TANC1: variants seen among roughly 807,000 people sequenced by gnomAD.
The protein encoded by TANC1 is tetratricopeptide repeat, ankyrin repeat and coiled-coil containing 1.
TANC1 carries 77 observed loss-of-function variants against 149.7 expected under a neutral mutation model. The ratio of observed to expected loss-of-function variants is 0.51; its 90% confidence interval spans 0.43 to 0.62. TANC1 has a LOEUF of 0.62. Among genes scored for constraint, TANC1 ranks in the 20% least tolerant of loss-of-function variants. TANC1 has a pLI of 0.00. For synonymous variants in TANC1, 854 were observed against 925.0 expected, an observed-to-expected ratio of 0.92 and a Z score of 1.39; for missense variants, 1,985 against 2,321.8, an observed-to-expected ratio of 0.85 and a Z score of 2.98.
At chr2:159,079,179 T>C (rs138853410) in intron 3 of TANC1, among the ~76,000 whole-genome samples, 17 of 148,858 alleles carry the variant, frequency 1.1e-4, no homozygotes, top group African/African-American at 3.6e-4. Flanking sequence ...GGAGAAAATA[T>C]GATAGCACTA....
At chr2:159,168,914 T>A (rs2054889559) in intron 8 of TANC1, among the ~76,000 whole-genome samples, 1 of 152,148 alleles carries the variant, frequency 6.6e-6, no homozygotes, top group Non-Finnish European at 1.5e-5. Context: ...CACCTGCTTG[T>A]GGTGTTAAGT....
intron 4 of TANC1, among the ~76,000 whole-genome samples, 182 bp from the exon 5 acceptor site, chr2:159,136,002 TTGTGTGTGTG>T (rs754052800): frequency 0.035 from 3,752 of 107,858 alleles, 89 homozygotes; most frequent in Middle Eastern, 0.049. Flanking sequence ...TACTGAAATT[TTGTGTGTGTG>T]TGTGTGTGTG....
chr2:159,018,459 A>G (rs2038491958), intron 2 of TANC1, among the ~76,000 whole-genome samples: 1 of 150,752 alleles, frequency 6.6e-6, no homozygotes, highest in East Asian at 2.0e-4. Flanking sequence ...AGGCTACAGT[A>G]ATTCTTTTTT....
rs1253689641 is a variant in TANC1 at position 159,103,791 on chromosome 2, T to C, written c.259+5957T>C. Among the ~76,000 whole-genome samples the C allele has an allele frequency of 2.0e-4, 19 of 96,830 alleles. 1 individual carries two copies. The highest frequency in any genetic ancestry group is 4.9e-4 in the African/African-American group (17 of 34,912). The allele number at this position is 96,830 out of a possible 152,430, so 63.5% of individuals were successfully genotyped here. On this transcript the variant is annotated intron_variant, in intron 4 of 26. Coordinates refer to ENST00000263635, the MANE Select transcript of TANC1 (RefSeq NM_033394.3). ...CTTGTCCAAAATTCATACAAGTTAT[T>C]GGTAGACCCTGATCCTCCATGCTGT... is the stretch of plus-strand genomic sequence containing the variant.
chr2:159,035,044 T>G (rs1239431975), intron 2 of TANC1, among the ~76,000 whole-genome samples: 4 of 152,222 alleles, frequency 2.6e-5, no homozygotes, highest in Admixed American at 6.5e-5. Context: ...AGCCTTTGTC[T>G]TGTGGTCTGA....
intron 4 of TANC1, among the ~76,000 whole-genome samples, chr2:159,135,500 A>G (rs1024328072): frequency 1.3e-5 from 2 of 152,246 alleles, no homozygotes; most frequent in African/African-American, 2.4e-5. Context: ...CGGCTGCATC[A>G]TTGTATGTGA....
At chr2:159,187,882 G>T (rs140281532) in intron 16 of TANC1, among the ~76,000 whole-genome samples, 1 of 152,214 alleles carries the variant, frequency 6.6e-6, no homozygotes, top group African/African-American at 2.4e-5. Context: ...TGAATTTCTG[G>T]GCATAGAATT....
At chr2:159,166,122 A>G (rs528618214) in intron 8 of TANC1, among the ~76,000 whole-genome samples, 102 of 152,352 alleles carry the variant, frequency 6.7e-4, no homozygotes, top group African/African-American at 2.2e-3. Flanking sequence ...TCTTTCCTTT[A>G]TTAAAAACAG....
chr2:159,083,431 T>G (rs2044493539), intron 3 of TANC1, among the ~76,000 whole-genome samples: 1 of 152,142 alleles, frequency 6.6e-6, no homozygotes, highest in Admixed American at 6.5e-5. Context: ...TGGCAGTTAC[T>G]GTAAAGATAA....
chr2:159,066,982 T>TA (rs1199675848), intron 3 of TANC1, among the ~76,000 whole-genome samples: 5 of 152,242 alleles, frequency 3.3e-5, no homozygotes, highest in African/African-American at 1.2e-4. Context: ...CCTGAAATGT[T>TA]ACATTTCACT....
chr2:159,028,125 C>CT lies in TANC1; in HGVS notation c.-16+26945dup, dbSNP rs551825617. On this transcript the variant is annotated intron_variant, in intron 2 of 26. Coordinates refer to ENST00000263635, the MANE Select transcript of TANC1 (RefSeq NM_033394.3). ...TTCAAACCATAGTATATGCTAATTG[C>CT]TTTTTTTTTCTTGATACGGAGTCTC... is the stretch of plus-strand genomic sequence containing the variant. Among the ~76,000 whole-genome samples, 1,387 of 151,412 alleles carry CT rather than the reference C, an allele frequency of 9.2e-3. 12 individuals carry two copies. The highest frequency in any genetic ancestry group is 9.8e-3 in the Non-Finnish European group (662 of 67,756).
intron 2 of TANC1, among the ~76,000 whole-genome samples, chr2:159,018,915 CTTA>C (rs1188472076): frequency 1.3e-5 from 2 of 152,206 alleles, no homozygotes; most frequent in Admixed American, 6.5e-5. Context: ...ATTTGAAACT[CTTA>C]TTATGCCTTC....
At chr2:159,031,864 C>T (rs2039808303) in intron 2 of TANC1, among the ~76,000 whole-genome samples, 1 of 152,160 alleles carries the variant, frequency 6.6e-6, no homozygotes, top group Non-Finnish European at 1.5e-5. Context: ...CTCTGTATGT[C>T]ATACAGATTA....
At chr2:158,970,509 A>G (rs1393040895) in intron 1 of TANC1, among the ~76,000 whole-genome samples, 2 of 152,244 alleles carry the variant, frequency 1.3e-5, no homozygotes, top group Non-Finnish European at 2.9e-5. Context: ...TAAGCTACTT[A>G]AAGACCTCAC....
intron 1 of TANC1, among the ~76,000 whole-genome samples, chr2:158,969,465 G>T (rs73969403): frequency 0.11 from 16,708 of 152,258 alleles, 938 homozygotes; most frequent in African/African-American, 0.13. Context: ...GGGGTGGGGC[G>T]CTGAGAAGAG....
chr2:159,187,438 A>G (rs910205227), intron 16 of TANC1, among the ~76,000 whole-genome samples: 2 of 152,246 alleles, frequency 1.3e-5, no homozygotes, highest in African/African-American at 2.4e-5. Flanking sequence ...GTACACAGAA[A>G]AACAAACATC....
chr2:159,078,295 C>T (rs1456255726), intron 3 of TANC1, among the ~76,000 whole-genome samples: 4 of 152,106 alleles, frequency 2.6e-5, no homozygotes, highest in African/African-American at 9.7e-5. Context: ...GTTTGTTTAC[C>T]TATTTTTGTC....
intron 2 of TANC1, among the ~76,000 whole-genome samples, chr2:159,028,755 T>G (rs2039550457): frequency 6.6e-6 from 1 of 152,202 alleles, no homozygotes; most frequent in Non-Finnish European, 1.5e-5. Flanking sequence ...AGTTTGATTA[T>G]TAATTAATTA....
chr2:159,213,534 C>T (rs1217884972), intron 19 of TANC1, among the ~76,000 whole-genome samples: 2 of 151,924 alleles, frequency 1.3e-5, no homozygotes, highest in African/African-American at 2.4e-5. Context: ...TAAATGTCTG[C>T]TCAGTAAGGG....
Sources: allele counts gnomAD v4.1 joint callset (sites outside exome capture counted in the v4.1 genomes callset), GRCh38; gene constraint gnomAD v4.1.1; transcripts MANE v1.5; gene names NCBI Gene and HGNC (gene_info 2026-07-23, HGNC 2026-07-21).